The following TLL2 variants were observed in gnomAD, a reference collection of about 807,000 sequenced individuals.
TLL2 encodes the protein tolloid-like protein 2.
Under a neutral mutation model 123.0 loss-of-function variants are expected in TLL2, and 106 were observed. The ratio of observed to expected loss-of-function variants is 0.86; its 90% CI spans 0.74 to 1.01. TLL2 has a LOEUF of 1.01. TLL2 is among the 50% of genes least tolerant of loss of function. The pLI is 0.00. For missense variants in TLL2, 1,332 were observed against 1,336.7 expected, an observed-to-expected ratio of 1.00 and a Z score of 0.06; for synonymous variants, 494 against 516.8, an observed-to-expected ratio of 0.96 and a Z score of 0.60.
At chr10:96,458,083 G>A (rs1255258307) in intron 2 of TLL2, among the ~76,000 whole-genome samples, 1 of 152,084 alleles carries the variant, frequency 6.6e-6, no homozygotes, top group Non-Finnish European at 1.5e-5. Context: ...AGGGGAATAG[G>A]GAAAAGGGAG....
intron 17 of TLL2, among the ~76,000 whole-genome samples, chr10:96,378,239 T>A (rs1215079295): frequency 6.6e-6 from 1 of 152,272 alleles, no homozygotes; most frequent in Non-Finnish European, 1.5e-5. Flanking sequence ...TTCCACATCT[T>A]CCTCCACCCT....
At position 96,499,329 on chromosome 10, in the gene TLL2, C is replaced by T. The variant is rs568285127; in HGVS notation, c.175+14182G>A. Among the ~76,000 whole-genome samples the T allele has an allele frequency of 3.3e-5, 5 of 152,300 alleles. No individual in the cohort carries two copies. The South Asian group carries it at 1.0e-3, about 32-fold the overall frequency. On this transcript the variant is annotated intron_variant, in intron 1 of 20. Coordinates refer to ENST00000357947, the MANE Select transcript of TLL2 (RefSeq NM_012465.4). ...TCTCTTAAGAAGTCAGAATTTCAGC[C>T]CGGGATGGGTGGAGGTGGGGGTGGC...
At chr10:96,448,584 G>A (rs540088931) in intron 2 of TLL2, among the ~76,000 whole-genome samples, 4 of 152,158 alleles carry the variant, frequency 2.6e-5, no homozygotes, top group Non-Finnish European at 5.9e-5. Context: ...CTTGGGATAT[G>A]ATGCAGAAGA....
At chr10:96,488,707 C>G (rs1395484389) in intron 1 of TLL2, among the ~76,000 whole-genome samples, 1 of 152,186 alleles carries the variant, frequency 6.6e-6, no homozygotes. Context: ...CTTCCATAGA[C>G]AGCAGCATGT....
intron 9 of TLL2, 53 bp from the exon 10 acceptor site, chr10:96,405,387 G>A (rs1846440199): frequency 1.3e-6 from 2 of 1,558,234 alleles, no homozygotes; most frequent in Non-Finnish European, 1.8e-6. Flanking sequence ...GAGGAGTTTG[G>A]GAAGATATAT....
intron 2 of TLL2, among the ~76,000 whole-genome samples, chr10:96,475,264 C>T (rs1230296736): frequency 1.3e-5 from 2 of 152,204 alleles, no homozygotes; most frequent in African/African-American, 4.8e-5. Context: ...TGCTGTGAAT[C>T]CTAAAGCTGT....
chr10:96,448,361 T>A (rs1304546376), intron 2 of TLL2, among the ~76,000 whole-genome samples: 1 of 152,198 alleles, frequency 6.6e-6, no homozygotes, highest in Non-Finnish European at 1.5e-5. Flanking sequence ...ATGTACCACC[T>A]GTGGTGTGGA....
At chr10:96,401,503 T>TAC (rs60660163) in intron 10 of TLL2, among the ~76,000 whole-genome samples, 3,288 of 147,982 alleles carry the variant, frequency 0.022, 112 homozygotes, top group African/African-American at 0.072. Context: ...GCTGGCACTC[T>TAC]ACACACACAC....
intron 1 of TLL2, among the ~76,000 whole-genome samples, chr10:96,502,691 C>A (rs970406294): frequency 7.0e-5 from 10 of 143,584 alleles, no homozygotes; most frequent in Admixed American, 2.9e-4. Flanking sequence ...GGAGGAGAGG[C>A]GACCCTGCGA....
At chr10:96,390,965 A>G (rs1846282101) in intron 13 of TLL2, among the ~76,000 whole-genome samples, 1 of 152,268 alleles carries the variant, frequency 6.6e-6, no homozygotes, top group Admixed American at 6.5e-5. Context: ...ATTATTTTGT[A>G]CAATAAATAA....
At chr10:96,370,356 A>C in intron 19 of TLL2, 41 bp from the exon 20 acceptor site, 1 of 1,503,398 alleles carries the variant, frequency 6.7e-7, no homozygotes. Context: ...AGCACAAGAC[A>C]CCCTCGTGCC....
At chr10:96,486,230 T>G (rs1413926431) in intron 1 of TLL2, among the ~76,000 whole-genome samples, 2 of 152,222 alleles carry the variant, frequency 1.3e-5, no homozygotes, top group Non-Finnish European at 2.9e-5. Context: ...TTTCATGATA[T>G]GGTTTGGTAA....
At chr10:96,416,114 T>G (rs1564902819) in intron 7 of TLL2, among the ~76,000 whole-genome samples, 1 of 152,154 alleles carries the variant, frequency 6.6e-6, no homozygotes, top group Non-Finnish European at 1.5e-5. Flanking sequence ...AAGTGATGAC[T>G]CTGCAGAAAA....
intron 2 of TLL2, among the ~76,000 whole-genome samples, chr10:96,461,309 C>T (rs1400513800): frequency 6.6e-6 from 1 of 152,062 alleles, no homozygotes; most frequent in Non-Finnish European, 1.5e-5. Context: ...AGTCCATGGT[C>T]CAGTGTGGGA....
chr10:96,458,707 G>T lies in TLL2; in HGVS notation c.287-12539C>A, dbSNP rs151269465. On this transcript the variant is annotated intron_variant, in intron 2 of 20. Coordinates refer to ENST00000357947, the MANE Select transcript of TLL2 (RefSeq NM_012465.4). ...AATTGCTTGAACCCAGGAGGCAGAG[G>T]TTGCAGTAAGCCGAAATCGTGCCAC... is the stretch of plus-strand genomic sequence containing the variant. 4.0e-5 allele frequency among the ~76,000 whole-genome samples: 6 copies of T among 151,624 alleles called. 1 individual carries two copies. In the East Asian group the frequency reaches 1.2e-3, roughly 29 times the overall value.
At chr10:96,421,540 T>C (rs1846622091) in intron 6 of TLL2, among the ~76,000 whole-genome samples, 1 of 152,050 alleles carries the variant, frequency 6.6e-6, no homozygotes, top group Non-Finnish European at 1.5e-5. Context: ...GGCGGGTGCC[T>C]GTAGTCCCTG....
intron 10 of TLL2, among the ~76,000 whole-genome samples, chr10:96,398,822 T>C (rs928162922): frequency 8.8e-4 from 134 of 151,444 alleles, no homozygotes; most frequent in Middle Eastern, 6.8e-3. Context: ...GAATGGGAAG[T>C]GGCTGCTAAT....
At chr10:96,386,870 C>G in intron 14 of TLL2, 83 bp downstream of exon 14, 1 of 1,580,280 alleles carries the variant, frequency 6.3e-7, no homozygotes, top group Non-Finnish European at 8.7e-7. Flanking sequence ...ACACAGCCAG[C>G]TGGTTGCCCC....
intron 11 of TLL2, 52 bp downstream of exon 11, chr10:96,397,134 A>G: frequency 6.7e-7 from 1 of 1,502,842 alleles, no homozygotes; most frequent in Non-Finnish European, 9.1e-7. Flanking sequence ...CTGCCTGGGA[A>G]GGACAGAGCT....
Sources: gnomAD v4.1 joint callset for allele counts (sites outside exome capture counted in the v4.1 genomes callset) on GRCh38, gnomAD v4.1.1 for gene constraint, MANE v1.5 for transcripts, NCBI Gene and HGNC (gene_info 2026-07-23, HGNC 2026-07-21) for gene names.